Variants in IL11RA observed in about 807,000 individuals in gnomAD.
The protein encoded by IL11RA is interleukin 11 receptor subunit alpha.
A neutral mutation model predicts 57.0 loss-of-function variants in IL11RA; 51 were observed. That is an observed-to-expected ratio of 0.89 (90% CI 0.71 to 1.13). The LOEUF is 1.13. Ranked by LOEUF, IL11RA falls within the 50% of genes most tolerant of loss-of-function variation. IL11RA has a pLI of 0.00. For missense variants in IL11RA, 498 were observed against 539.4 expected, an observed-to-expected ratio of 0.92 and a Z score of 0.76; for synonymous variants, 199 against 217.5, an observed-to-expected ratio of 0.91 and a Z score of 0.75.
At chr9:34,652,516 T>G (rs535144599) in intron 1 of IL11RA, among the ~76,000 whole-genome samples, 1 of 152,114 alleles carries the variant, frequency 6.6e-6, no homozygotes, top group Admixed American at 6.5e-5. Context: ...GGGACTGGGT[T>G]GTGTGTTTGT....
intron 3 of IL11RA, among the ~76,000 whole-genome samples, chr9:34,656,261 AC>A: frequency 6.6e-6 from 1 of 152,078 alleles, no homozygotes; most frequent in Admixed American, 6.5e-5. Context: ...TGAACTCCTG[AC>A]TTCAAGTAAT....
rs1821367009 is a variant in IL11RA, at chr9:34,657,414, C to T, written c.480-7C>T. The T allele has an allele frequency of 6.2e-7, 1 of 1,614,098 alleles. No individual in the cohort carries two copies. The highest frequency in any genetic ancestry group is 8.5e-7 in the Non-Finnish European group (1 of 1,179,948). ...TTCAAAGCCAAAGACCACATCCTCC[C>T]TTCTAGGAGGAGTCCATCCACAGGG... is the stretch of plus-strand genomic sequence containing the variant. On this transcript the variant is annotated splice_region_variant and splice_polypyrimidine_tract_variant and intron_variant, in intron 6 of 12. Coordinates refer to ENST00000441545, the MANE Select transcript of IL11RA (RefSeq NM_001142784.3).
Position 34,657,477 on chromosome 9 carries a change from G to T in IL11RA, c.536G>T (p.Arg179Leu). 3 of 1,614,170 alleles carry T rather than the reference G, an allele frequency of 1.9e-6. No homozygotes were observed. The highest frequency in any genetic ancestry group is 1.7e-6 in the Non-Finnish European group (2 of 1,180,014). Residue 179 changes from arginine to leucine, a missense_variant, in exon 7 of 13, where the codon CGC (arginine) becomes CTC (leucine). Physicochemically the swap from Arg to Leu is moderately radical, Grantham distance 102. Coordinates refer to ENST00000441545, the MANE Select transcript of IL11RA (RefSeq NM_001142784.3). ...CCACAGGATCCCCTAGGGGCTGCCC[G>T]CTGTGTTGTCCACGGGGCTGAGTTC... is the stretch of plus-strand genomic sequence containing the variant. ...PCPQDPLGAA[R>L]CVVHGAEFWS...
At chr9:34,657,759 T>C (rs1405459431) in intron 7 of IL11RA, among the ~76,000 whole-genome samples, 172 bp downstream of exon 7, 1 of 152,126 alleles carries the variant, frequency 6.6e-6, no homozygotes, top group Non-Finnish European at 1.5e-5. Flanking sequence ...GGAGGCATGG[T>C]TATTTCAGCA....
rs767842835 is a variant in IL11RA at position 34,655,309 on chromosome 9, G to C, written c.92G>C (p.Gly31Ala). The change falls in exon 2 of 13, where the codon GGC becomes GCC. Residue 31 changes from glycine to alanine, a missense_variant. Transcript: ENST00000441545. ...SASSPCPQAWGPPGVQYGQPG... is the reference protein window; with the variant it reads ...SASSPCPQAWAPPGVQYGQPG... The stretch of plus-strand genomic sequence containing the variant: ...TCCTCCCCCTGCCCCCAGGCCTGGG[G>C]CCCCCCAGGTGAGAAGAACCCTGCT... The C allele has an allele frequency of 1.3e-6, 2 of 1,595,774 alleles. No individual in the cohort carries two copies. Among genetic ancestry groups the C allele is most frequent in the Admixed American group, 1.7e-5 (1 of 59,430 alleles).
At chr9:34,655,412 C>G (rs1237715608) in intron 2 of IL11RA, 95 bp downstream of exon 2, 2 of 879,044 alleles carry the variant, frequency 2.3e-6, no homozygotes, top group Non-Finnish European at 3.8e-6. Flanking sequence ...TGACACCACC[C>G]CTGCTCCTGT....
rs1821440052 is a variant in IL11RA, at chr9:34,660,715, A to ACTAC, written c.1169+118_1169+121dup. 15 of 1,194,292 alleles carry ACTAC rather than the reference A, an allele frequency of 1.3e-5. No homozygotes were observed. In the East Asian group the frequency reaches 3.5e-4, roughly 28 times the overall value. 74.0% of individuals were successfully genotyped at this position (1,194,292 alleles called of 1,614,324 possible). A position where few individuals can be genotyped will look rare whatever the true frequency, so the allele number is the denominator to read the frequency against. On this transcript the variant is annotated intron_variant, in intron 11 of 12. Transcript: ENST00000441545. The stretch of plus-strand genomic sequence containing the variant: ...CCCGCTGAACCTGTCTGATTCTGGA[A>ACTAC]CTACCTCCCCATACCTCCATCCCCC...
At position 34,653,439 on chromosome 9, in the gene IL11RA, C is replaced by T. The variant is rs1009602414; in HGVS notation, c.-1+1206C>T. Reference sequence around the variant, plus strand: ...GCTGGAACTTCCAGGGGAGGGGGAACTGGACTCTTTGGCCTCTCCTTATAT... The same window carrying T: ...GCTGGAACTTCCAGGGGAGGGGGAATTGGACTCTTTGGCCTCTCCTTATAT... On this transcript the variant is annotated intron_variant, in intron 1 of 12. Transcript: ENST00000441545. This position sits in a 1 kb window ranked among gnomAD's most constrained non-coding sequence, Gnocchi z 4.5. 6.6e-6 allele frequency among the ~76,000 whole-genome samples: 1 copy of T among 152,130 alleles called. No homozygotes were observed. The highest frequency in any genetic ancestry group is 2.4e-5 in the African/African-American group (1 of 41,408).
Position 34,661,785 on chromosome 9 carries a change from T to C in IL11RA, c.*287T>C. ...AGGGAACATGTATTCTCTGCATGCA[T>C]GTATGTAGGTGCCTGGGGAGTGTGT... On this transcript the variant is annotated 3_prime_UTR_variant, in exon 13 of 13. Coordinates refer to ENST00000441545, the MANE Select transcript of IL11RA (RefSeq NM_001142784.3). 2.5e-6 allele frequency: 2 copies of C among 798,286 alleles called. No homozygotes were observed. Among genetic ancestry groups the C allele is most frequent in the Non-Finnish European group, 4.2e-6 (2 of 481,704 alleles). The allele number at this position is 798,286 out of a possible 1,614,324, so 49.5% of individuals were successfully genotyped here.
At position 34,657,022 on chromosome 9, in the gene IL11RA, C is replaced by T; in HGVS notation, c.332-13C>T. The T allele has an allele frequency of 1.2e-6, 2 of 1,613,078 alleles. No individual in the cohort carries two copies. The highest frequency in any genetic ancestry group is 1.7e-6 in the Non-Finnish European group (2 of 1,179,054). On this transcript the variant is annotated splice_polypyrimidine_tract_variant and intron_variant, in intron 4 of 12. Transcript: ENST00000441545. ...AGGACTGCTCAGTCTCCAGGTGTAC[C>T]CTCTGCCTCTAGACCCTCCAGCCCG...
At chr9:34,661,419 C>A in intron 12 of IL11RA, 63 bp from the exon 13 acceptor site, 1 of 1,580,134 alleles carries the variant, frequency 6.3e-7, no homozygotes, top group Non-Finnish European at 8.7e-7. Context: ...CCCTCATTCT[C>A]AGGGTGTCTG....
chr9:34,654,158 C>G (rs1317941204), intron 1 of IL11RA: 1 of 153,116 alleles, frequency 6.5e-6, no homozygotes, highest in Admixed American at 6.5e-5. Context: ...TTCCCAGAGC[C>G]CTTTCCCCGC....
chr9:34,658,784 A>G lies in IL11RA; in HGVS notation c.810+101A>G. On this transcript the variant is annotated intron_variant, in intron 8 of 12. Coordinates refer to ENST00000441545, the MANE Select transcript of IL11RA (RefSeq NM_001142784.3). This position sits in a 1 kb window ranked among gnomAD's most constrained non-coding sequence, Gnocchi z 4.0. Reference sequence around the variant, plus strand: ...GCTTTCCAGTGCTGGCAGGTCACTGAAGACCCAACACTTCCCTGTGGGCCA... The same window carrying G: ...GCTTTCCAGTGCTGGCAGGTCACTGGAGACCCAACACTTCCCTGTGGGCCA... The G allele has an allele frequency of 7.6e-7, 1 of 1,319,076 alleles. No homozygotes were observed. The highest frequency in any genetic ancestry group is 1.1e-6 in the Non-Finnish European group (1 of 931,090). 81.7% of individuals were successfully genotyped at this position (1,319,076 alleles called of 1,614,324 possible).
chr9:34,655,863 A>G (rs1338911285), intron 3 of IL11RA, 198 bp downstream of exon 3: 27 of 644,492 alleles, frequency 4.2e-5, no homozygotes, highest in Admixed American at 1.0e-4. Flanking sequence ...TGCCAGGTCT[A>G]TTCTAGGCTC....
chr9:34,657,066 A>C lies in IL11RA; in HGVS notation c.363A>C (p.Gln121His). The change falls in exon 5 of 13, where the codon CAA becomes CAC. Residue 121 changes from glutamine (Q) to histidine (H), a missense_variant. Gln to His is a conservative substitution (Grantham distance 24). Transcript: ENST00000441545. ...CAGCCCGCCCTGTTGTCTCCTGCCA[A>C]GCAGCCGACTATGAGAACTTCTCTT... The part of the protein sequence containing the change: ...YPPARPVVSC[Q>H]AADYENFSCT... 6.2e-7 allele frequency: 1 copy of C among 1,614,116 alleles called. No individual in the cohort carries two copies. The highest frequency in any genetic ancestry group is 1.3e-5 in the African/African-American group (1 of 74,998).
At chr9:34,657,701 A>G in intron 7 of IL11RA, 114 bp downstream of exon 7, 1 of 1,041,642 alleles carries the variant, frequency 9.6e-7, no homozygotes, top group Admixed American at 2.0e-5. Flanking sequence ...TCCATTTCAC[A>G]CAGAGAAGGC....
rs757223662 is a variant in IL11RA at position 34,655,561 on chromosome 9, AG to A, written c.101-38del. The stretch of plus-strand genomic sequence containing the variant: ...TATCTGTCATTCTCACAAAGTGGGG[AG>A]GGGGGTAAAGGAAGAGCCTTACCTC... On this transcript the variant is annotated intron_variant, in intron 2 of 12. Coordinates refer to ENST00000441545, the MANE Select transcript of IL11RA (RefSeq NM_001142784.3). 31 of 1,563,660 alleles carry A rather than the reference AG, an allele frequency of 2.0e-5. No individual in the cohort carries two copies. In the East Asian group the frequency reaches 2.5e-4, roughly 12 times the overall value.
Position 34,661,792 on chromosome 9 carries a change from A to C in IL11RA, c.*294A>C. 1 of 837,642 alleles carries C rather than the reference A, an allele frequency of 1.2e-6. No homozygotes were observed. Among genetic ancestry groups the C allele is most frequent in the Non-Finnish European group, 1.9e-6 (1 of 515,462 alleles). The allele number at this position is 837,642 out of a possible 1,614,324, so 51.9% of individuals were successfully genotyped here. ...ATGTATTCTCTGCATGCATGTATGT[A>C]GGTGCCTGGGGAGTGTGTGTGGGTC... On this transcript the variant is annotated 3_prime_UTR_variant, in exon 13 of 13. Transcript: ENST00000441545.
chr9:34,655,109 T>A, intron 1 of IL11RA, 109 bp from the exon 2 acceptor site: 1 of 769,782 alleles, frequency 1.3e-6, no homozygotes, highest in South Asian at 1.5e-5. Flanking sequence ...CTTACCCCAC[T>A]TGGTGCATCA....
Sources: gnomAD v4.1 joint callset for allele counts (sites outside exome capture counted in the v4.1 genomes callset) on GRCh38, gnomAD v4.1.1 for gene constraint, Gnocchi (gnomAD v3.1) non-coding constraint, MANE v1.5 for transcripts, NCBI Gene and HGNC (gene_info 2026-07-23, HGNC 2026-07-21) for gene names.